Variants in DLGAP1 observed in about 807,000 individuals in gnomAD.
DLGAP1 encodes the protein disks large-associated protein 1.
DLGAP1 carries 11 observed loss-of-function variants against 90.8 expected under a neutral mutation model. The observed-to-expected ratio is 0.12, with a 90% confidence interval of 0.08 to 0.20. DLGAP1 has a LOEUF of 0.20. Ranked by LOEUF, DLGAP1 falls within the 10% of genes least tolerant of loss-of-function variation. The pLI, the probability that DLGAP1 is intolerant of heterozygous loss-of-function variation, is 1.00. For synonymous variants in DLGAP1, 558 were observed against 540.7 expected (o/e 1.03, Z -0.44); for missense variants, 1,050 against 1,333.8 (o/e 0.79, Z 3.31).
chr18:3,728,266 T>G (rs1482636150), intron 7 of DLGAP1, among the ~76,000 whole-genome samples: 1 of 149,958 alleles, frequency 6.7e-6, no homozygotes, highest in African/African-American at 2.4e-5. Flanking sequence ...TAAGCCTAGT[T>G]AGACAGTGGG....
intron 2 of DLGAP1, among the ~76,000 whole-genome samples, chr18:4,100,979 G>A (rs561586225): frequency 3.3e-5 from 5 of 152,256 alleles, no homozygotes; most frequent in Middle Eastern, 3.4e-3. Context: ...CAGACCACTC[G>A]AACTTTTTCT....
chr18:3,878,410 A>G (rs1160992134), intron 4 of DLGAP1: 9 of 152,208 alleles, frequency 5.9e-5, no homozygotes, highest in African/African-American at 2.2e-4. Context: ...GTGGCTCTGT[A>G]AGTGTGTGGG....
chr18:3,933,535 T>C (rs904715661), intron 3 of DLGAP1, among the ~76,000 whole-genome samples: 14 of 152,368 alleles, frequency 9.2e-5, no homozygotes, highest in African/African-American at 3.1e-4. Context: ...TTGTCTCTTC[T>C]TGGGAGGTTT....
chr18:4,291,181 G>A (rs1307073609), intron 1 of DLGAP1, among the ~76,000 whole-genome samples: 4 of 152,104 alleles, frequency 2.6e-5, no homozygotes, highest in African/African-American at 7.2e-5. Context: ...TGGTCTTGGC[G>A]CAGTTCAGGC....
At position 3,879,977 on chromosome 18, in the gene DLGAP1, G is replaced by C; in HGVS notation, c.92C>G (p.Pro31Arg). The change falls in exon 4 of 13, where the codon CCC becomes CGC. Residue 31 changes from proline to arginine, a missense_variant. Pro to Arg is a moderately radical substitution (Grantham distance 103). Transcript: ENST00000315677. This position sits in a 1 kb window ranked among gnomAD's most constrained non-coding sequence, Gnocchi z 6.6. ...DSLSHHSDRK[P>R]YLLSPVEHHP... is the part of the protein sequence containing the mutation. The stretch of plus-strand genomic sequence containing the variant: ...GTGCTCCACTGGGCTCAGCAGGTAG[G>C]GCTTGCGGTCGGAGTGGTGCGACAG... 2 of 1,612,516 alleles carry C rather than the reference G, an allele frequency of 1.2e-6. No homozygotes were observed. Among genetic ancestry groups the C allele is most frequent in the Non-Finnish European group, 1.7e-6 (2 of 1,179,974 alleles).
intron 1 of DLGAP1, among the ~76,000 whole-genome samples, chr18:4,413,685 A>C (rs1370013589): frequency 6.6e-6 from 1 of 152,230 alleles, no homozygotes; most frequent in Non-Finnish European, 1.5e-5. Context: ...GCAGAAATAA[A>C]ATCTAGTGTT....
Position 3,578,173 on chromosome 18 carries a change from G to A in DLGAP1, c.1965+3702C>T, listed in dbSNP as rs570519903. Among the ~76,000 whole-genome samples, 35 of 152,246 alleles carry A rather than the reference G, an allele frequency of 2.3e-4. No homozygotes were observed. The East Asian group carries it at 6.8e-3, about 29-fold the overall frequency. On this transcript the variant is annotated intron_variant, in intron 8 of 12. Coordinates refer to ENST00000315677, the MANE Select transcript of DLGAP1 (RefSeq NM_004746.4). ...GATCTAAGTTCACAGAGGTTATAAAGTAAGTAGTTGTAGTATTAGCTATTG... is the reference window on the plus strand; with the variant it reads ...GATCTAAGTTCACAGAGGTTATAAAATAAGTAGTTGTAGTATTAGCTATTG...
At chr18:3,507,011 T>C (rs2050264785) in intron 11 of DLGAP1, among the ~76,000 whole-genome samples, 1 of 152,000 alleles carries the variant, frequency 6.6e-6, no homozygotes, top group African/African-American at 2.4e-5. Context: ...AAACAAATTA[T>C]AAACGTGTGT....
chr18:4,044,768 A>AAAACAAAC (rs377246244), intron 2 of DLGAP1, among the ~76,000 whole-genome samples: 1 of 152,064 alleles, frequency 6.6e-6, no homozygotes, highest in Non-Finnish European at 1.5e-5. Context: ...ACAAACAAAC[A>AAAACAAAC]AAACAAACAA....
intron 2 of DLGAP1, among the ~76,000 whole-genome samples, chr18:4,094,315 A>G (rs897003236): frequency 2.0e-5 from 3 of 152,134 alleles, no homozygotes; most frequent in Non-Finnish European, 2.9e-5. Flanking sequence ...AATAGTGAAG[A>G]TGGTAATTTT....
rs201014719 is a variant in DLGAP1, at chr18:3,837,497, AAGAT to A, written c.958-23228_958-23225del. 1.4e-3 allele frequency among the ~76,000 whole-genome samples: 211 copies of A among 152,332 alleles called. 2 individuals carry two copies. The East Asian group carries it at 0.04, about 29-fold the overall frequency. ...CTTGAAACAATACTAAATTTTTAAAAAGATAGACATAATTGATAATTTCACTTTG... is the reference window on the plus strand; with the variant it reads ...CTTGAAACAATACTAAATTTTTAAAAAGACATAATTGATAATTTCACTTTG... On this transcript the variant is annotated intron_variant, in intron 4 of 12. Coordinates refer to ENST00000315677, the MANE Select transcript of DLGAP1 (RefSeq NM_004746.4).
At position 4,234,912 on chromosome 18, in the gene DLGAP1, C is replaced by T. The variant is rs1003416796; in HGVS notation, c.-266-83625G>A. On this transcript the variant is annotated intron_variant, in intron 1 of 12. Transcript: ENST00000315677. ...GCATGTCATAAAAAAAGGATGTGCA[C>T]GTGAACCCTGAACTTTGTGTTTAAA... Among the ~76,000 whole-genome samples the T allele has an allele frequency of 5.9e-5, 9 of 152,170 alleles. No individual in the cohort carries two copies. The East Asian group carries it at 7.7e-4, about 13-fold the overall frequency.
intron 10 of DLGAP1, among the ~76,000 whole-genome samples, chr18:3,520,066 C>G (rs773061473): frequency 6.6e-6 from 1 of 152,106 alleles, no homozygotes; most frequent in Admixed American, 6.5e-5. Context: ...ATTACCCAGT[C>G]TTTGGTATTT....
chr18:3,784,573 C>T (rs1379008127), intron 5 of DLGAP1, among the ~76,000 whole-genome samples: 1 of 152,140 alleles, frequency 6.6e-6, no homozygotes, highest in African/African-American at 2.4e-5. Context: ...AATGTCAGTG[C>T]GTTCTCTGAT....
intron 1 of DLGAP1, among the ~76,000 whole-genome samples, chr18:4,438,947 G>A (rs753244240): frequency 2.0e-5 from 3 of 152,192 alleles, no homozygotes; most frequent in Non-Finnish European, 2.9e-5. Flanking sequence ...GGAGGAGCAC[G>A]TTATATGCTA....
intron 7 of DLGAP1, among the ~76,000 whole-genome samples, chr18:3,612,013 C>T (rs1330550118): frequency 2.0e-5 from 3 of 152,332 alleles, no homozygotes; most frequent in Non-Finnish European, 1.5e-5. Flanking sequence ...ATTACTAAAG[C>T]GCTATCAAAT....
intron 5 of DLGAP1, among the ~76,000 whole-genome samples, chr18:3,747,497 T>G (rs2063320661): frequency 6.6e-6 from 1 of 152,232 alleles, no homozygotes; most frequent in Non-Finnish European, 1.5e-5. Flanking sequence ...AATGTGTTTC[T>G]TTGACTATTT....
At chr18:4,173,762 A>G (rs1375828638) in intron 1 of DLGAP1, among the ~76,000 whole-genome samples, 2 of 152,228 alleles carry the variant, frequency 1.3e-5, no homozygotes, top group African/African-American at 4.8e-5. Context: ...AAGACAGTGA[A>G]GTAAACAGAC....
At chr18:4,022,052 A>C (rs568298230) in intron 2 of DLGAP1, among the ~76,000 whole-genome samples, 1 of 152,332 alleles carries the variant, frequency 6.6e-6, no homozygotes, top group African/African-American at 2.4e-5. Flanking sequence ...CAGTAAGTTC[A>C]CATTGTATGA....
Sources: gnomAD v4.1 joint callset for allele counts (sites outside exome capture counted in the v4.1 genomes callset) on GRCh38, gnomAD v4.1.1 for gene constraint, Gnocchi (gnomAD v3.1) non-coding constraint, MANE v1.5 for transcripts, NCBI Gene and HGNC (gene_info 2026-07-23, HGNC 2026-07-21) for gene names.